ATP6V0A4: variants seen among roughly 807,000 people sequenced by gnomAD.
ATP6V0A4 encodes the protein ATPase H+ transporting V0 subunit a4.
ATP6V0A4 carries 86 observed loss-of-function variants against 107.3 expected under a neutral mutation model. The observed-to-expected ratio is 0.80, with a 90% CI of 0.67 to 0.96. ATP6V0A4 has a LOEUF of 0.96. ATP6V0A4 is among the 40% of genes least tolerant of loss of function. The pLI, the probability that ATP6V0A4 is intolerant of heterozygous loss-of-function variation, is 0.00. For missense variants in ATP6V0A4, 908 were observed against 1,045.6 expected (o/e 0.87, Z 1.81); for synonymous variants, 353 against 381.4 (o/e 0.93, Z 0.87).
chr7:138,782,008 C>T (rs1345537409), intron 2 of ATP6V0A4, among the ~76,000 whole-genome samples: 3 of 152,046 alleles, frequency 2.0e-5, no homozygotes, highest in Admixed American at 1.3e-4. Flanking sequence ...TAAAGAGGAC[C>T]TGAGACAAAA....
chr7:138,745,585 G>A (rs1018608631), intron 13 of ATP6V0A4, among the ~76,000 whole-genome samples: 2 of 150,402 alleles, frequency 1.3e-5, no homozygotes, highest in Admixed American at 6.7e-5. Context: ...GCCGAGGCAG[G>A]AGAATCACTT....
Position 138,735,362 on chromosome 7 carries a change from C to T in ATP6V0A4, c.1573-1108G>A, listed in dbSNP as rs141806957. Among the ~76,000 whole-genome samples, 16 of 152,254 alleles carry T rather than the reference C, an allele frequency of 1.1e-4. No individual in the cohort carries two copies. In the East Asian group the frequency reaches 2.1e-3, roughly 20 times the overall value. ...GGTTTGCTCTGGGACATGTCAAAGG[C>T]GACAAGGGCACAATGGCTTTCTCAC... is the stretch of plus-strand genomic sequence containing the variant. On this transcript the variant is annotated intron_variant, in intron 15 of 21. Transcript: ENST00000310018.
chr7:138,786,581 GAAA>G (rs35642413), intron 1 of ATP6V0A4, among the ~76,000 whole-genome samples: 1 of 146,154 alleles, frequency 6.8e-6, no homozygotes, highest in South Asian at 2.2e-4. Flanking sequence ...CTTGTCTCAG[GAAA>G]AAAAAAAAAG....
At chr7:138,762,317 C>G (rs1166692694) in intron 7 of ATP6V0A4, 23 bp downstream of exon 7, 3 of 1,613,460 alleles carry the variant, frequency 1.9e-6, no homozygotes, top group African/African-American at 1.3e-5. Flanking sequence ...AGGGACCCAT[C>G]TACACACAAG....
chr7:138,760,766 A>G (rs1806770207), intron 7 of ATP6V0A4, among the ~76,000 whole-genome samples: 1 of 152,162 alleles, frequency 6.6e-6, no homozygotes, highest in Non-Finnish European at 1.5e-5. Flanking sequence ...TAGTGCCTCA[A>G]ATATCAGGCC....
At chr7:138,752,546 C>T (rs1806285563) in intron 11 of ATP6V0A4, 79 bp downstream of exon 11, 3 of 1,562,128 alleles carry the variant, frequency 1.9e-6, no homozygotes, top group South Asian at 2.3e-5. Context: ...GTTCATGTGG[C>T]CCATGAGGCC....
chr7:138,707,363 T>C (rs1335871316), intron 21 of ATP6V0A4, among the ~76,000 whole-genome samples: 1 of 100,100 alleles, frequency 1.0e-5, no homozygotes, highest in Non-Finnish European at 1.8e-5. Flanking sequence ...ATATATTATA[T>C]TATATATATA....
intron 15 of ATP6V0A4, among the ~76,000 whole-genome samples, chr7:138,735,002 C>T (rs1485401036): frequency 6.6e-6 from 1 of 152,104 alleles, no homozygotes; most frequent in African/African-American, 2.4e-5. Context: ...CCAATCTTTG[C>T]AAGCACGATG....
chr7:138,790,978 C>T (rs992952028), intron 1 of ATP6V0A4, among the ~76,000 whole-genome samples: 2 of 151,710 alleles, frequency 1.3e-5, no homozygotes. Context: ...ACCAGGTATG[C>T]AAAGAAACAT....
At chr7:138,726,261 T>C (rs1291131817) in intron 18 of ATP6V0A4, among the ~76,000 whole-genome samples, 1 of 152,204 alleles carries the variant, frequency 6.6e-6, no homozygotes, top group Non-Finnish European at 1.5e-5. Context: ...AGTGCTGGGA[T>C]TACAGGCGTG....
At chr7:138,713,774 C>A (rs958576520) in intron 20 of ATP6V0A4, among the ~76,000 whole-genome samples, 11 of 152,040 alleles carry the variant, frequency 7.2e-5, no homozygotes, top group African/African-American at 2.7e-4. Flanking sequence ...GGCAAACACA[C>A]AGAGGGGCCC....
chr7:138,738,676 G>T (rs117378514), intron 15 of ATP6V0A4, among the ~76,000 whole-genome samples: 2,734 of 152,274 alleles, frequency 0.018, 44 homozygotes, highest in Non-Finnish European at 0.026. Flanking sequence ...TTTTATAAGG[G>T]CAGGGAGGCG....
At chr7:138,717,806 G>A (rs1311428545) in intron 19 of ATP6V0A4, among the ~76,000 whole-genome samples, 3 of 151,142 alleles carry the variant, frequency 2.0e-5, no homozygotes, top group Non-Finnish European at 4.4e-5. Flanking sequence ...TACTTGGGAG[G>A]CTGAGGCAGG....
chr7:138,726,145 A>G (rs1349333531), intron 18 of ATP6V0A4, among the ~76,000 whole-genome samples: 6 of 151,564 alleles, frequency 4.0e-5, no homozygotes, highest in Admixed American at 1.3e-4. Context: ...GCCCGCCACC[A>G]CGCCCGGCTA....
chr7:138,775,145 C>CTT (rs60292725), intron 2 of ATP6V0A4, among the ~76,000 whole-genome samples: 20,481 of 151,508 alleles, frequency 0.14, 1,619 homozygotes, highest in African/African-American at 0.17. Flanking sequence ...GAGGGGGGTG[C>CTT]TTTTTTTTAA....
At chr7:138,770,208 G>C (rs1338450387) in intron 3 of ATP6V0A4, among the ~76,000 whole-genome samples, 4 of 150,402 alleles carry the variant, frequency 2.7e-5, no homozygotes, top group African/African-American at 9.8e-5. Context: ...GAAAAGTAAA[G>C]TAAAAAGAAA....
chr7:138,777,005 CA>C (rs1807689187), intron 2 of ATP6V0A4, among the ~76,000 whole-genome samples: 1 of 151,754 alleles, frequency 6.6e-6, no homozygotes, highest in Admixed American at 6.6e-5. Context: ...CAAATTTAGC[CA>C]GGTGTGGTGG....
chr7:138,737,401 T>C (rs893334494), intron 15 of ATP6V0A4, among the ~76,000 whole-genome samples: 4 of 151,562 alleles, frequency 2.6e-5, no homozygotes, highest in Admixed American at 1.3e-4. Flanking sequence ...CTTTCCACCA[T>C]CATTGTGTGG....
intron 15 of ATP6V0A4, among the ~76,000 whole-genome samples, chr7:138,736,290 A>G (rs780046749): frequency 3.5e-4 from 53 of 152,296 alleles, no homozygotes; most frequent in Admixed American, 1.4e-3. Flanking sequence ...TTAATAGTTA[A>G]GTACCAAGTA....
Sources: gnomAD v4.1 joint callset for allele counts (sites outside exome capture counted in the v4.1 genomes callset) on GRCh38, gnomAD v4.1.1 for gene constraint, MANE v1.5 for transcripts, NCBI Gene and HGNC (gene_info 2026-07-23, HGNC 2026-07-21) for gene names.